ENKUR: variants seen among roughly 807,000 people sequenced by gnomAD.
ENKUR encodes the protein enkurin, TRPC channel interacting protein.
In ENKUR, 19 loss-of-function variants were observed where a neutral mutation model predicts 27.6. The ratio of observed to expected loss-of-function variants is 0.69; its 90% CI spans 0.48 to 1.01. ENKUR has a LOEUF of 1.01. Among genes scored for constraint, ENKUR ranks in the 50% least tolerant of loss-of-function variants. The probability of loss-of-function intolerance (pLI) is 0.00; values close to 1 mark genes in which losing one functional copy is unlikely to be tolerated. For synonymous variants in ENKUR, 117 were observed against 96.9 expected (o/e 1.21, Z -1.22); for missense variants, 312 against 310.5 (o/e 1.00, Z -0.04).
upstream of ENKUR, among the ~76,000 whole-genome samples, chr10:25,020,309 A>C (rs989671011): frequency 1.4e-5 from 2 of 143,858 alleles, no homozygotes; most frequent in Non-Finnish European, 3.1e-5. Context: ...GAAAAAGGGA[A>C]GTGAAGTAAA....
exon 2 of ENKUR, chr10:25,061,244 T>C (rs1362962224): frequency 9.5e-7 from 1 of 1,055,012 alleles, no homozygotes; most frequent in African/African-American, 1.6e-5. Context: ...TGCAGCTATA[T>C]GGTTGATGCT....
Position 24,984,245 on chromosome 10 carries a change from A to G in ENKUR, c.*125T>C. 1 of 1,103,490 alleles carries G rather than the reference A, an allele frequency of 9.1e-7. No homozygotes were observed. The allele number at this position is 1,103,490 out of a possible 1,614,324, so 68.4% of individuals were successfully genotyped here. A position where few individuals can be genotyped will look rare whatever the true frequency, so the allele number is the denominator to read the frequency against. On this transcript the variant is annotated 3_prime_UTR_variant, in exon 6 of 6. Transcript: ENST00000331161. ...TGCAAATGTCATGGGCCACAGGAAA[A>G]TACATCTTTTGCATTTGTGGAGCTC...
chr10:25,017,421 G>A (rs1228670123), upstream of ENKUR, among the ~76,000 whole-genome samples: 1 of 152,090 alleles, frequency 6.6e-6, no homozygotes, highest in African/African-American at 2.4e-5. Context: ...TCTGCCCGAA[G>A]GAAATAAAGC....
chr10:24,984,738 A>T lies in ENKUR; in HGVS notation c.762T>A (p.Asn254Lys), dbSNP rs775868957. 1.2e-6 allele frequency: 2 copies of T among 1,606,174 alleles called. No individual in the cohort carries two copies. The highest frequency in any genetic ancestry group is 3.4e-5 in the Admixed American group (2 of 58,402). ...IEKHKIIYIA[N>K]NA ...ATACTTTAAAGATCCATTCTTACTT[A>T]TTGGCAATATAAATAATCTTGTGCT... The change falls in exon 5 of 6, where the codon AAT becomes AAA. Residue 254 changes from asparagine (N) to lysine (K), a missense_variant and splice_region_variant. Physicochemically the swap from Asn to Lys is moderately conservative, Grantham distance 94 (BLOSUM62 0). Coordinates refer to ENST00000331161, the MANE Select transcript of ENKUR (RefSeq NM_145010.4).
chr10:25,000,010 G>A (rs1407430847), intron 1 of ENKUR, among the ~76,000 whole-genome samples: 1 of 151,828 alleles, frequency 6.6e-6, no homozygotes, highest in Non-Finnish European at 1.5e-5. Context: ...GTTTTAATTT[G>A]TTTTTCTTTT....
chr10:25,020,876 C>T (rs1469274927), upstream of ENKUR, among the ~76,000 whole-genome samples: 4 of 152,048 alleles, frequency 2.6e-5, no homozygotes, highest in East Asian at 7.7e-4. Context: ...CAAAAGCTTC[C>T]TGAATAGGAG....
At chr10:25,058,142 A>G (rs1435181480) in intron 2 of ENKUR, among the ~76,000 whole-genome samples, 2 of 151,914 alleles carry the variant, frequency 1.3e-5, no homozygotes, top group East Asian at 3.9e-4. Flanking sequence ...GGAAGGTCTT[A>G]TGGCTATTGT....
chr10:24,988,116 C>A (rs1156441724), intron 4 of ENKUR, among the ~76,000 whole-genome samples: 1 of 151,058 alleles, frequency 6.6e-6, no homozygotes, highest in Admixed American at 6.6e-5. Context: ...TTCAGCTACT[C>A]GGGAGGCTGA....
chr10:25,056,352 T>C (rs2130495309), intron 2 of ENKUR, among the ~76,000 whole-genome samples: 1 of 152,312 alleles, frequency 6.6e-6, no homozygotes, highest in East Asian at 1.9e-4. Context: ...GCAGAATCAA[T>C]TCCAATGCAG....
At chr10:25,021,537 G>A (rs1241326620) in intron 2 of ENKUR, among the ~76,000 whole-genome samples, 2 of 152,074 alleles carry the variant, frequency 1.3e-5, no homozygotes, top group Non-Finnish European at 1.5e-5. Context: ...ACTGTTTAGT[G>A]AAATTCTTTT....
Position 24,984,350 on chromosome 10 carries a change from T to TG in ENKUR, c.*19_*20insC, listed in dbSNP as rs1849731034. ...TCCAGTTCAAAATACTTAACAGTTT[T>TG]CAAAGTTGTGCTGTTGGTATCATGC... On this transcript the variant is annotated 3_prime_UTR_variant, in exon 6 of 6. Coordinates refer to ENST00000331161, the MANE Select transcript of ENKUR (RefSeq NM_145010.4). 25 of 1,578,576 alleles carry TG rather than the reference T, an allele frequency of 1.6e-5. 1 individual carries two copies. The South Asian group carries it at 2.8e-4, about 17-fold the overall frequency.
At chr10:24,994,742 C>T (rs1221499029) in intron 3 of ENKUR, among the ~76,000 whole-genome samples, 1 of 152,022 alleles carries the variant, frequency 6.6e-6, no homozygotes, top group Non-Finnish European at 1.5e-5. Flanking sequence ...CTGTATTTGG[C>T]TGGGTGCAGT....
upstream of ENKUR, among the ~76,000 whole-genome samples, chr10:25,019,415 A>G (rs1046351094): frequency 3.9e-5 from 6 of 152,212 alleles, no homozygotes; most frequent in African/African-American, 1.4e-4. Context: ...TCAAGGCTGT[A>G]GTGAGCCAAG....
chr10:25,056,912 G>A (rs1851264428), intron 2 of ENKUR, among the ~76,000 whole-genome samples: 1 of 152,290 alleles, frequency 6.6e-6, no homozygotes, highest in East Asian at 1.9e-4. Flanking sequence ...CATTATGGAA[G>A]TGATCCAGGT....
rs779979294 is a variant in ENKUR, at chr10:24,995,813, G to GATC, written c.277_279dup (p.Asp93dup). The GATC allele has an allele frequency of 6.2e-7, 1 of 1,613,960 alleles. No homozygotes were observed. Among genetic ancestry groups the GATC allele is most frequent in the Non-Finnish European group, 8.5e-7 (1 of 1,179,992 alleles). On this transcript the variant is annotated inframe_insertion, in exon 3 of 6. Coordinates refer to ENST00000331161, the MANE Select transcript of ENKUR (RefSeq NM_145010.4). The stretch of plus-strand genomic sequence containing the variant: ...CCACTCTGTATTCCCATGACAGGAT[G>GATC]ATCAGTCTTCAATGGCACAGCAGGC...
intron 1 of ENKUR, among the ~76,000 whole-genome samples, chr10:25,011,528 A>G (rs1249413670): frequency 6.6e-6 from 1 of 152,222 alleles, no homozygotes; most frequent in Admixed American, 6.5e-5. Context: ...CTGGCTAGCC[A>G]TATGTAGAAA....
intron 1 of ENKUR, among the ~76,000 whole-genome samples, chr10:25,012,631 T>C (rs1850477915): frequency 6.6e-6 from 1 of 152,230 alleles, no homozygotes; most frequent in Non-Finnish European, 1.5e-5. Flanking sequence ...CCCCTTTGTT[T>C]TGGCCAATTT....
chr10:25,061,427 A>C, intron 1 of ENKUR: 2 of 374,954 alleles, frequency 5.3e-6, no homozygotes, highest in Admixed American at 4.3e-5. Flanking sequence ...ACACAAACTG[A>C]ATCTCTTCCT....
At position 24,999,563 on chromosome 10, in the gene ENKUR, A is replaced by C. The variant is rs1448626188; in HGVS notation, c.78-17T>G. The C allele has an allele frequency of 1.9e-6, 3 of 1,589,302 alleles. No individual in the cohort carries two copies. In the Admixed American group the frequency reaches 5.5e-5, roughly 29 times the overall value. On this transcript the variant is annotated splice_polypyrimidine_tract_variant and intron_variant, in intron 1 of 5. Transcript: ENST00000331161. ...GATATGTACCTAAAATTGAATTTTA[A>C]AAGTTGTAGCATTTATACTTCTAGT...
Sources: allele counts gnomAD v4.1 joint callset (sites outside exome capture counted in the v4.1 genomes callset), GRCh38; gene constraint gnomAD v4.1.1; transcripts MANE v1.5; gene names NCBI Gene and HGNC (gene_info 2026-07-23, HGNC 2026-07-21).